The following UVSSA variants were observed in gnomAD, a reference collection of about 807,000 sequenced individuals.
The protein encoded by UVSSA is UV stimulated scaffold protein A.
A neutral mutation model predicts 73.9 loss-of-function variants in UVSSA; 72 were observed. That is an observed-to-expected ratio of 0.97 (90% CI 0.81 to 1.19). The LOEUF (loss-of-function observed/expected upper bound fraction) is 1.19, where lower values mean the gene tolerates loss of function less well. Ranked by LOEUF, UVSSA falls within the 50% of genes most tolerant of loss-of-function variation. The probability of loss-of-function intolerance (pLI) is 0.00; values close to 1 mark genes in which losing one functional copy is unlikely to be tolerated. For synonymous variants in UVSSA, 454 were observed against 391.3 expected (o/e 1.16, Z -1.89); for missense variants, 1,150 against 965.0 (o/e 1.19, Z -2.54).
At position 1,351,731 on chromosome 4, in the gene UVSSA, C is replaced by A. The variant is rs768367735; in HGVS notation, c.446C>A (p.Thr149Lys). 1 of 1,613,314 alleles carries A rather than the reference C, an allele frequency of 6.2e-7. No homozygotes were observed. The highest frequency in any genetic ancestry group is 8.5e-7 in the Non-Finnish European group (1 of 1,179,646). ...RHNKKVDFQD[T>K]NARSLAERKR... ...ATTGCTCAGGTGGATTTTCAAGACA[C>A]GAATGCTCGGAGTCTGGCAGAAAGG... The change falls in exon 4 of 14, where the codon ACG (threonine) becomes AAG (lysine). Residue 149 changes from threonine to lysine, a missense_variant. Thr to Lys is a moderately conservative substitution (Grantham distance 78). Coordinates refer to ENST00000389851, the MANE Select transcript of UVSSA (RefSeq NM_020894.4).
At chr4:1,393,510 A>G (rs11729037) in exon 14 of UVSSA, 69,053 of 149,050 alleles carry the variant, frequency 0.46, 16,337 homozygotes, top group Non-Finnish European at 0.52. Flanking sequence ...AGCCAGGATC[A>G]AGCCATTGTA....
chr4:1,352,362 G>A (rs2109080373), intron 4 of UVSSA, among the ~76,000 whole-genome samples: 1 of 152,322 alleles, frequency 6.6e-6, no homozygotes, highest in Non-Finnish European at 1.5e-5. Context: ...ACAGACTGTG[G>A]TCCCAGGTGT....
chr4:1,361,476 C>G (rs374281031), intron 7 of UVSSA, among the ~76,000 whole-genome samples: 2 of 152,264 alleles, frequency 1.3e-5, no homozygotes, highest in South Asian at 2.1e-4. Flanking sequence ...TCCAGGCTCT[C>G]GTTTCAGAGG....
intron 9 of UVSSA, among the ~76,000 whole-genome samples, 198 bp downstream of exon 9, chr4:1,375,706 C>T (rs1718682658): frequency 6.6e-6 from 1 of 152,204 alleles, no homozygotes; most frequent in Admixed American, 6.5e-5. Context: ...AGCTGGAGCC[C>T]GGGTGGGACT....
At chr4:1,361,978 G>A (rs1444244246) in intron 7 of UVSSA, among the ~76,000 whole-genome samples, 1 of 151,916 alleles carries the variant, frequency 6.6e-6, no homozygotes, top group African/African-American at 2.4e-5. Flanking sequence ...TTTATTTAAT[G>A]GCCCCAGCTG....
chr4:1,358,739 C>T (rs563100686), intron 7 of UVSSA, among the ~76,000 whole-genome samples: 4 of 152,378 alleles, frequency 2.6e-5, no homozygotes, highest in African/African-American at 4.8e-5. Context: ...CGAGGTGCTC[C>T]TCGTTAATTT....
At chr4:1,395,726 C>A (rs781037370) in exon 14 of UVSSA, 5 of 1,614,254 alleles carry the variant, frequency 3.1e-6, no homozygotes, top group Non-Finnish European at 4.2e-6. Context: ...CATGGTGGTT[C>A]TGTAGGTTTC....
At chr4:1,368,955 C>T (rs1216175276) in intron 8 of UVSSA, among the ~76,000 whole-genome samples, 1 of 152,212 alleles carries the variant, frequency 6.6e-6, no homozygotes, top group East Asian at 1.9e-4. Context: ...TCTCAAGGCC[C>T]ACGCCTGCCC....
rs747905369 is a variant in UVSSA, at chr4:1,355,240, C to T, written c.1171C>T (p.Arg391Cys). The T allele has an allele frequency of 1.7e-5, 27 of 1,610,214 alleles. No homozygotes were observed. In the East Asian group the frequency reaches 2.9e-4, roughly 17 times the overall value. Residue 391 changes from arginine to cysteine, a missense_variant, in exon 7 of 14, where the codon CGC becomes TGC. Coordinates refer to ENST00000389851, the MANE Select transcript of UVSSA (RefSeq NM_020894.4). ...LDIEPEGGERRRTEALGDAEE... is the reference protein window; with the variant it reads ...LDIEPEGGERCRTEALGDAEE... ...CATCGAGCCTGAGGGAGGGGAAAGG[C>T]GCAGGGTGAGTGGGCAGGCGGCGAG...
intron 5 of UVSSA, among the ~76,000 whole-genome samples, chr4:1,353,874 C>T (rs535577160): frequency 6.6e-6 from 1 of 152,162 alleles, no homozygotes; most frequent in African/African-American, 2.4e-5. Context: ...AAAATGTGTT[C>T]CAGAAATGGC....
chr4:1,353,170 TGCGCGGGCCAGGTGG>T lies in UVSSA; in HGVS notation c.694_708del (p.Ala232_Gly236del). ...CATGTCCGATGCCCTTCGCTCCTCC[TGCGCGGGCCAGGTGG>T]GCCCCTGCCGGTCTGGCACCCCTGA... is the stretch of plus-strand genomic sequence containing the variant. On this transcript the variant is annotated inframe_deletion, in exon 5 of 14. Transcript: ENST00000389851. 1 of 1,612,878 alleles carries T rather than the reference TGCGCGGGCCAGGTGG, an allele frequency of 6.2e-7. No individual in the cohort carries two copies. Among genetic ancestry groups the T allele is most frequent in the Non-Finnish European group, 8.5e-7 (1 of 1,179,990 alleles).
At chr4:1,355,401 GCTTCCTGTGAGCCC>G (rs985727892) in intron 7 of UVSSA, among the ~76,000 whole-genome samples, 156 bp downstream of exon 7, 3 of 152,248 alleles carry the variant, frequency 2.0e-5, no homozygotes, top group African/African-American at 7.2e-5. Context: ...CCCAGCGAGG[GCTTCCTGTGAGCCC>G]AGGGTCATCA....
chr4:1,364,922 T>G (rs1717117482), intron 7 of UVSSA, among the ~76,000 whole-genome samples: 1 of 152,024 alleles, frequency 6.6e-6, no homozygotes, highest in South Asian at 2.1e-4. Context: ...TTGCGGTGGG[T>G]GAGCTGCAGA....
rs778147996 is a variant in UVSSA, at chr4:1,355,117, C to T, written c.1048C>T (p.Arg350Cys). Residue 350 changes from arginine to cysteine, a missense_variant and splice_region_variant, in exon 7 of 14, where the codon CGC (arginine) becomes TGC (cysteine). Coordinates refer to ENST00000389851, the MANE Select transcript of UVSSA (RefSeq NM_020894.4). ...AGCTGTTCGCACCCCCGTTTCGCAG[C>T]GCTTCACCCGCGTCGGGACCCACGG... ...FLPAVCSWIQ[R>C]FTRVGTHGGC... The T allele has an allele frequency of 9.9e-6, 16 of 1,613,366 alleles. No individual in the cohort carries two copies. The highest frequency in any genetic ancestry group is 4.5e-5 in the East Asian group (2 of 44,890).
chr4:1,358,197 C>T (rs1716073654), intron 7 of UVSSA: 1 of 152,590 alleles, frequency 6.6e-6, no homozygotes, highest in Non-Finnish European at 1.5e-5. Flanking sequence ...TGTGCATCCT[C>T]TTGAGATCTG....
upstream of UVSSA, among the ~76,000 whole-genome samples, chr4:1,345,429 G>T (rs186979449): frequency 2.4e-3 from 368 of 152,200 alleles, 4 homozygotes; most frequent in African/African-American, 8.5e-3. Context: ...CGGATCACCT[G>T]AAGTCAGGAG....
At chr4:1,343,891 G>A (rs969271796), upstream of UVSSA, among the ~76,000 whole-genome samples, 3 of 152,174 alleles carry the variant, frequency 2.0e-5, no homozygotes, top group African/African-American at 7.2e-5. Context: ...TTCCTGGACT[G>A]CAAATCTGCT....
At chr4:1,394,211 G>T in exon 14 of UVSSA, 2 of 551,096 alleles carry the variant, frequency 3.6e-6, no homozygotes, top group Non-Finnish European at 6.3e-6. Flanking sequence ...CATGCCTCCA[G>T]GAGTGTGGCA....
chr4:1,378,478 G>A (rs761325104), intron 10 of UVSSA, among the ~76,000 whole-genome samples: 3 of 152,344 alleles, frequency 2.0e-5, no homozygotes, highest in Non-Finnish European at 4.4e-5. Context: ...TTGAACCCAG[G>A]AGGCGGAGTT....
Sources: gnomAD v4.1 joint callset for allele counts (sites outside exome capture counted in the v4.1 genomes callset) on GRCh38, gnomAD v4.1.1 for gene constraint, MANE v1.5 for transcripts, NCBI Gene and HGNC (gene_info 2026-07-23, HGNC 2026-07-21) for gene names.